SLIT2: variants seen among roughly 807,000 people sequenced by gnomAD.
SLIT2 encodes the protein slit guidance ligand 2.
SLIT2 carries 41 observed loss-of-function variants against 185.7 expected under a neutral mutation model. The ratio of observed to expected loss-of-function variants is 0.22; its 90% CI spans 0.17 to 0.29. SLIT2 has a LOEUF of 0.29. Among genes scored for constraint, SLIT2 ranks in the 10% least tolerant of loss-of-function variants. SLIT2 has a pLI of 1.00. For synonymous variants in SLIT2, 693 were observed against 680.2 expected (o/e 1.02, Z -0.29); for missense variants, 1,571 against 1,909.0 (o/e 0.82, Z 3.30).
intron 29 of SLIT2, among the ~76,000 whole-genome samples, chr4:20,574,807 A>C (rs949277775): frequency 6.8e-6 from 1 of 147,900 alleles, no homozygotes; most frequent in Admixed American, 6.8e-5. Context: ...AAAAAAAAAA[A>C]CAAAGGTTAT....
At chr4:20,290,131 T>C (rs777911572) in intron 4 of SLIT2, among the ~76,000 whole-genome samples, 3 of 152,178 alleles carry the variant, frequency 2.0e-5, no homozygotes, top group Non-Finnish European at 4.4e-5. Context: ...GTTGAGAACC[T>C]TCATATTCCA....
intron 8 of SLIT2, chr4:20,490,774 CT>C (rs939608510): frequency 7.5e-5 from 111 of 1,478,666 alleles, no homozygotes; most frequent in Non-Finnish European, 8.9e-5. Flanking sequence ...ACTTTTTTCT[CT>C]CTTCACTTTT....
intron 9 of SLIT2, among the ~76,000 whole-genome samples, chr4:20,500,570 TAA>T (rs1218863703): frequency 1.3e-5 from 2 of 152,156 alleles, no homozygotes; most frequent in Non-Finnish European, 2.9e-5. Context: ...ATAGTACTCT[TAA>T]AAAGTGTCTT....
chr4:20,576,757 G>A (rs574943597), intron 29 of SLIT2, among the ~76,000 whole-genome samples: 1 of 152,198 alleles, frequency 6.6e-6, no homozygotes, highest in Admixed American at 6.5e-5. Context: ...GATCTTGTTT[G>A]CTCTTTAGTT....
chr4:20,331,756 A>G (rs1294135054), intron 4 of SLIT2, among the ~76,000 whole-genome samples: 1 of 152,134 alleles, frequency 6.6e-6, no homozygotes, highest in Non-Finnish European at 1.5e-5. Flanking sequence ...ATTATCTAAC[A>G]AAAGAATCCC....
chr4:20,328,461 A>G (rs570695985), intron 4 of SLIT2, among the ~76,000 whole-genome samples: 19 of 152,160 alleles, frequency 1.2e-4, no homozygotes, highest in African/African-American at 4.3e-4. Context: ...AAAATTTGCT[A>G]TAAGGTTCAA....
chr4:20,312,376 G>T (rs532605192), intron 4 of SLIT2, among the ~76,000 whole-genome samples: 1 of 152,188 alleles, frequency 6.6e-6, no homozygotes, highest in African/African-American at 2.4e-5. Flanking sequence ...GATTATTTTA[G>T]ATTATCATTT....
At chr4:20,283,730 T>C (rs1715011625) in intron 4 of SLIT2, among the ~76,000 whole-genome samples, 1 of 152,162 alleles carries the variant, frequency 6.6e-6, no homozygotes. Flanking sequence ...TATGACTCAG[T>C]CAAAACTATT....
rs748416688 is a variant in SLIT2 at position 20,254,064 on chromosome 4, C to A, written c.179+70C>A. 6.7e-7 allele frequency: 1 copy of A among 1,485,900 alleles called. No homozygotes were observed. Among genetic ancestry groups the A allele is most frequent in the South Asian group, 1.2e-5 (1 of 83,170 alleles). The allele number at this position is 1,485,900 out of a possible 1,614,324, so 92.0% of individuals were successfully genotyped here. ...GCACCCCTGCCTCCACTGGAGGAAC[C>A]TGTCAGCTCAGGGTCCTGTGCCTGG... On this transcript the variant is annotated intron_variant, in intron 1 of 36. Transcript: ENST00000504154. This position sits in a 1 kb window ranked among gnomAD's most constrained non-coding sequence, Gnocchi z 5.1.
At chr4:20,442,318 G>T (rs1337948983) in intron 4 of SLIT2, among the ~76,000 whole-genome samples, 1 of 152,092 alleles carries the variant, frequency 6.6e-6, no homozygotes, top group South Asian at 2.1e-4. Context: ...AGGAGATCGA[G>T]ACCATCCTGG....
chr4:20,516,663 G>C (rs952243595), intron 11 of SLIT2, among the ~76,000 whole-genome samples: 1 of 151,864 alleles, frequency 6.6e-6, no homozygotes, highest in Non-Finnish European at 1.5e-5. Context: ...TCTCTATCCT[G>C]GTCTTTGGAT....
At chr4:20,471,083 C>T (rs1714952161) in intron 5 of SLIT2, among the ~76,000 whole-genome samples, 1 of 152,086 alleles carries the variant, frequency 6.6e-6, no homozygotes, top group Non-Finnish European at 1.5e-5. Flanking sequence ...CATTGCCTTC[C>T]ATGTAACAAT....
At chr4:20,258,956 T>G (rs1171761483) in intron 3 of SLIT2, among the ~76,000 whole-genome samples, 1 of 151,756 alleles carries the variant, frequency 6.6e-6, no homozygotes, top group Non-Finnish European at 1.5e-5. Context: ...CCTGTAATTG[T>G]CCATAAGTAG....
At position 20,519,362 on chromosome 4, in the gene SLIT2, A is replaced by T. The variant is rs571807471; in HGVS notation, c.1059-20A>T. On this transcript the variant is annotated intron_variant, in intron 11 of 36. Transcript: ENST00000504154. The stretch of plus-strand genomic sequence containing the variant: ...GCAGGTTTGGTGTCTAATTTTTTTC[A>T]TTTAAAATATTTTTTTCAGTGTCCT... 9.8e-6 allele frequency: 13 copies of T among 1,332,356 alleles called. No homozygotes were observed. Among genetic ancestry groups the T allele is most frequent in the Non-Finnish European group, 1.1e-5 (10 of 929,518 alleles). 82.5% of individuals were successfully genotyped at this position (1,332,356 alleles called of 1,614,324 possible). A position where few individuals can be genotyped will look rare whatever the true frequency, so the allele number is the denominator to read the frequency against.
At chr4:20,475,754 C>A (rs1716030365) in intron 5 of SLIT2, among the ~76,000 whole-genome samples, 1 of 152,112 alleles carries the variant, frequency 6.6e-6, no homozygotes. Flanking sequence ...GATTAGTTCA[C>A]TTACAATTCC....
chr4:20,336,422 A>G (rs1460583941), intron 4 of SLIT2, among the ~76,000 whole-genome samples: 3 of 152,192 alleles, frequency 2.0e-5, no homozygotes, highest in African/African-American at 4.8e-5. Context: ...TGAGCAAACT[A>G]TCGCAAGAAC....
At chr4:20,464,896 C>T (rs1714170969) in intron 4 of SLIT2, among the ~76,000 whole-genome samples, 1 of 151,994 alleles carries the variant, frequency 6.6e-6, no homozygotes, top group Admixed American at 6.6e-5. Flanking sequence ...ATCTTCTTTA[C>T]TCGATTTGAA....
intron 22 of SLIT2, among the ~76,000 whole-genome samples, chr4:20,546,507 T>C (rs541284888): frequency 6.6e-6 from 1 of 152,264 alleles, no homozygotes; most frequent in East Asian, 1.9e-4. Context: ...AATGTAAATG[T>C]AGTTTATTAT....
chr4:20,598,387 C>T lies in SLIT2; in HGVS notation c.3684C>T (p.Ala1228=). ...ACACCGGCTCTCATCCAGCTTCTGCCATTTACAGGTGAAGATCTCTCAGTT... is the reference window on the plus strand; with the variant it reads ...ACACCGGCTCTCATCCAGCTTCTGCTATTTACAGGTGAAGATCTCTCAGTT... ...SYDTGSHPAS[A]IYSVETINDG... Residue 1228 remains alanine (A), a synonymous_variant, in exon 33 of 37, where the codon GCC becomes GCT. Coordinates refer to ENST00000504154, the MANE Select transcript of SLIT2 (RefSeq NM_004787.4). 1 of 1,613,990 alleles carries T rather than the reference C, an allele frequency of 6.2e-7. No homozygotes were observed. Among genetic ancestry groups the T allele is most frequent in the Non-Finnish European group, 8.5e-7 (1 of 1,179,918 alleles).
Sources: gnomAD v4.1 joint callset for allele counts (sites outside exome capture counted in the v4.1 genomes callset) on GRCh38, gnomAD v4.1.1 for gene constraint, Gnocchi (gnomAD v3.1) non-coding constraint, MANE v1.5 for transcripts, NCBI Gene and HGNC (gene_info 2026-07-23, HGNC 2026-07-21) for gene names.